FAM227A: variants seen among roughly 807,000 people sequenced by gnomAD.
FAM227A encodes family with sequence similarity 227 member A, also known as protein FAM227A.
A neutral mutation model predicts 74.7 loss-of-function variants in FAM227A; 80 were observed. The observed-to-expected ratio is 1.07, with a 90% CI of 0.89 to 1.29. FAM227A has a LOEUF of 1.29. Ranked by LOEUF, FAM227A falls within the 50% of genes most tolerant of loss-of-function variation. The probability of loss-of-function intolerance (pLI) is 0.00; values close to 1 mark genes in which losing one functional copy is unlikely to be tolerated. For missense variants in FAM227A, 654 were observed against 683.4 expected (o/e 0.96, Z 0.48); for synonymous variants, 237 against 241.8 (o/e 0.98, Z 0.19).
chr22:38,617,199 G>A (rs1481294781), intron 11 of FAM227A, among the ~76,000 whole-genome samples: 1 of 151,396 alleles, frequency 6.6e-6, no homozygotes, highest in African/African-American at 2.4e-5. Context: ...CATGGTTGTT[G>A]TATCTATTTT....
At chr22:38,638,597 G>A in intron 5 of FAM227A, 149 bp downstream of exon 5, 1 of 663,792 alleles carries the variant, frequency 1.5e-6, no homozygotes, top group Non-Finnish European at 2.7e-6. Context: ...TTGTAAGGGT[G>A]TTATGAGAAA....
At chr22:38,601,482 G>C (rs1340739833) in intron 13 of FAM227A, among the ~76,000 whole-genome samples, 1 of 152,188 alleles carries the variant, frequency 6.6e-6, no homozygotes, top group East Asian at 1.9e-4. Context: ...CTGTGGTCAT[G>C]GTGAGGAGCT....
Position 38,580,889 on chromosome 22 carries a change from G to A in FAM227A, c.*5236C>T, listed in dbSNP as rs2090701051. 1 of 152,024 alleles carries A rather than the reference G, an allele frequency of 6.6e-6. No homozygotes were observed. Among genetic ancestry groups the A allele is most frequent in the Admixed American group, 6.6e-5 (1 of 15,240 alleles). The allele number at this position is 152,024 out of a possible 1,614,324, so 9.4% of individuals were successfully genotyped here. A position where few individuals can be genotyped will look rare whatever the true frequency, so the allele number is the denominator to read the frequency against. On this transcript the variant is annotated 3_prime_UTR_variant, in exon 17 of 17. Coordinates refer to ENST00000535113, the MANE Select transcript of FAM227A (RefSeq NM_001013647.2). ...CGCCTCCCAAGTTCAAGTGATTCTTGTGTCTCGGCCTCCCGAATAGCTAGG... is the reference window on the plus strand; with the variant it reads ...CGCCTCCCAAGTTCAAGTGATTCTTATGTCTCGGCCTCCCGAATAGCTAGG...
rs560629876 is a variant in FAM227A at position 38,620,574 on chromosome 22, C to T, written c.959-283G>A. ...ATCCCAGCACTTTGGGAGGCCGAGG[C>T]GGGCGGATCACGAGGTCAGGAGATC... On this transcript the variant is annotated intron_variant, in intron 10 of 16. Transcript: ENST00000535113. Among the ~76,000 whole-genome samples the T allele has an allele frequency of 9.6e-4, 145 of 151,558 alleles. 2 individuals carry two copies. Among genetic ancestry groups the T allele is most frequent in the African/African-American group, 3.2e-3 (133 of 41,302 alleles).
At chr22:38,609,656 A>C (rs2091368759) in intron 11 of FAM227A, among the ~76,000 whole-genome samples, 1 of 152,224 alleles carries the variant, frequency 6.6e-6, no homozygotes. Context: ...AGGACTTCCC[A>C]GACATCGTGC....
intron 6 of FAM227A, among the ~76,000 whole-genome samples, chr22:38,631,003 A>C (rs1429508454): frequency 6.6e-6 from 1 of 152,162 alleles, no homozygotes; most frequent in Non-Finnish European, 1.5e-5. Flanking sequence ...CCCTGTCTCT[A>C]CTAAAAATAC....
rs373154380 is a variant in FAM227A, at chr22:38,631,597, C to T, written c.520-2662G>A. ...GGGAGAGCTGAGAGCTCCTCAGAGA[C>T]GGGGAAAGCGTGTGCAGAGGCTATG... On this transcript the variant is annotated intron_variant, in intron 6 of 16. Transcript: ENST00000535113. Among the ~76,000 whole-genome samples the T allele has an allele frequency of 2.6e-5, 4 of 152,088 alleles. No individual in the cohort carries two copies. In the South Asian group the frequency reaches 6.2e-4, roughly 24 times the overall value.
At chr22:38,612,213 CATCAT>C (rs1310105528) in intron 11 of FAM227A, among the ~76,000 whole-genome samples, 1 of 152,176 alleles carries the variant, frequency 6.6e-6, no homozygotes. Context: ...ATATAAATCA[CATCAT>C]GTCATCCCTA....
chr22:38,646,657 ATTT>A (rs1039040605), intron 2 of FAM227A, among the ~76,000 whole-genome samples: 1 of 144,504 alleles, frequency 6.9e-6, no homozygotes, highest in African/African-American at 2.5e-5. Context: ...TATTATTATT[ATTT>A]TTTTTTTTGA....
intron 11 of FAM227A, among the ~76,000 whole-genome samples, chr22:38,609,438 A>G (rs534794296): frequency 2.0e-4 from 30 of 152,328 alleles, no homozygotes; most frequent in South Asian, 1.7e-3. Flanking sequence ...ATGGGAAGCT[A>G]GAGCGAAGAA....
intron 3 of FAM227A, among the ~76,000 whole-genome samples, chr22:38,643,052 C>T (rs1420326745): frequency 4.6e-5 from 7 of 152,036 alleles, no homozygotes; most frequent in East Asian, 1.9e-4. Context: ...TGGTGGCTCA[C>T]GCCTGTAATC....
intron 15 of FAM227A, among the ~76,000 whole-genome samples, chr22:38,596,316 G>A (rs893050915): frequency 6.6e-6 from 1 of 152,110 alleles, no homozygotes; most frequent in Non-Finnish European, 1.5e-5. Flanking sequence ...GTGAGACTCT[G>A]GCTCAAAAAA....
intron 1 of FAM227A, 24 bp downstream of exon 1, chr22:38,656,096 G>A (rs1231329931): frequency 6.6e-6 from 1 of 152,290 alleles, no homozygotes; most frequent in Non-Finnish European, 1.5e-5. Flanking sequence ...GGTGGGTCAT[G>A]GTGCGTCTGT....
chr22:38,608,429 C>A (rs908469977), intron 11 of FAM227A, among the ~76,000 whole-genome samples: 1 of 152,000 alleles, frequency 6.6e-6, no homozygotes, highest in Admixed American at 6.6e-5. Context: ...GCTAAGTCCT[C>A]AGGGATTCTT....
At chr22:38,635,227 TCA>T (rs1491289191) in intron 6 of FAM227A, among the ~76,000 whole-genome samples, 5 of 67,936 alleles carry the variant, frequency 7.4e-5, no homozygotes, top group African/African-American at 3.9e-4. Flanking sequence ...AGACTCTGTC[TCA>T]AAAAAAAAAA....
In FAM227A at chr22:38,591,027, C is replaced by T. The variant is rs61122750; in HGVS notation, c.1638+408G>A. On this transcript the variant is annotated intron_variant, in intron 16 of 16. Coordinates refer to ENST00000535113, the MANE Select transcript of FAM227A (RefSeq NM_001013647.2). ...CTCGATCTCCTGACCTCATGATCCG[C>T]CCACCTCGGCCTCCCAAAGTAGTGG... Among the ~76,000 whole-genome samples the T allele has an allele frequency of 2.3e-3, 348 of 152,276 alleles. 1 individual carries two copies. The highest frequency in any genetic ancestry group is 8.0e-3 in the African/African-American group (332 of 41,548).
chr22:38,617,421 G>A (rs1287782729), intron 11 of FAM227A, among the ~76,000 whole-genome samples: 1 of 151,196 alleles, frequency 6.6e-6, no homozygotes, highest in Non-Finnish European at 1.5e-5. Flanking sequence ...TCAGTCTCCC[G>A]AGTAGCTGGG....
At chr22:38,591,817 T>A (rs1311795473) in intron 15 of FAM227A, among the ~76,000 whole-genome samples, 1 of 152,152 alleles carries the variant, frequency 6.6e-6, no homozygotes, top group Non-Finnish European at 1.5e-5. Flanking sequence ...ACTATCCTAC[T>A]TCCTTAAGAG....
intron 13 of FAM227A, among the ~76,000 whole-genome samples, chr22:38,600,721 G>A (rs2091155958): frequency 1.3e-5 from 2 of 151,916 alleles, no homozygotes; most frequent in Admixed American, 6.6e-5. Context: ...ACTTTGGGAG[G>A]CCGAAGCAGA....
Sources: allele counts gnomAD v4.1 joint callset (sites outside exome capture counted in the v4.1 genomes callset), GRCh38; gene constraint gnomAD v4.1.1; transcripts MANE v1.5; gene names NCBI Gene and HGNC (gene_info 2026-07-23, HGNC 2026-07-21).